MGST1: variants seen among roughly 807,000 people sequenced by gnomAD.
The protein encoded by MGST1 is microsomal glutathione S-transferase 1.
In MGST1, 5 loss-of-function variants were observed where a neutral mutation model predicts 8.9. The ratio of observed to expected loss-of-function variants is 0.56; its 90% CI spans 0.29 to 1.19. The LOEUF (loss-of-function observed/expected upper bound fraction) is 1.19. MGST1 is among the 50% of genes most tolerant of loss of function. MGST1 has a pLI of 0.08. For synonymous variants in MGST1, 54 were observed against 67.8 expected, an observed-to-expected ratio of 0.80 and a Z score of 1.00; for missense variants, 182 against 187.4, an observed-to-expected ratio of 0.97 and a Z score of 0.17.
At chr12:16,450,957 T>C (rs1360886173) in intron 4 of MGST1, among the ~76,000 whole-genome samples, 1 of 151,940 alleles carries the variant, frequency 6.6e-6, no homozygotes, top group Non-Finnish European at 1.5e-5. Context: ...ATTGGTTTTC[T>C]GCTTCAGCTT....
intron 4 of MGST1, among the ~76,000 whole-genome samples, chr12:16,445,770 C>G (rs140731478): frequency 1.6e-4 from 25 of 151,952 alleles, no homozygotes; most frequent in African/African-American, 6.0e-4. Context: ...TGAAGTTATT[C>G]CTCCAGAATC....
chr12:16,366,605 C>T (rs556356603), downstream of MGST1, among the ~76,000 whole-genome samples: 30 of 151,234 alleles, frequency 2.0e-4, no homozygotes, highest in Admixed American at 4.0e-4. The surrounding 1 kb of genome is among the most constrained non-coding windows in gnomAD (Gnocchi z 4.0). Context: ...GGTTATCTTT[C>T]TATCTGCATG....
chr12:16,363,883 A>G lies in MGST1; in HGVS notation c.310A>G (p.Ile104Val), dbSNP rs1039175839. The change falls in exon 4 of 4, where the codon ATC becomes GTC. Residue 104 changes from isoleucine to valine, a missense_variant. Transcript: ENST00000396210. The surrounding 1 kb of genome is among the most constrained non-coding windows in gnomAD (Gnocchi z 4.6). ...GAGTGGTCCCGACCCCTCTACAGCC[A>G]TCCTGCACTTCAGACTATTTGTCGG... ...SLSGPDPSTA[I>V]LHFRLFVGAR... The G allele has an allele frequency of 6.2e-7, 1 of 1,613,964 alleles. No individual in the cohort carries two copies. The highest frequency in any genetic ancestry group is 1.7e-5 in the Admixed American group (1 of 59,998).
chr12:16,499,328 A>G lies in MGST1; in HGVS notation n.483-90200A>G, dbSNP rs570344524. 2.0e-5 allele frequency among the ~76,000 whole-genome samples: 3 copies of G among 152,300 alleles called. No homozygotes were observed. The South Asian group carries it at 6.2e-4, about 32-fold the overall frequency. On this transcript the variant is annotated intron_variant and non_coding_transcript_variant, in intron 4 of 4. Transcript: ENST00000538857. ...TTCCTTATCGTTTTCTCTATAAAGA[A>G]TATTTAATTTTTCAGGCAGTCTCTC...
At chr12:16,484,187 C>T (rs1941383879) in intron 4 of MGST1, among the ~76,000 whole-genome samples, 1 of 152,150 alleles carries the variant, frequency 6.6e-6, no homozygotes, top group African/African-American at 2.4e-5. Context: ...AAATTTGGAA[C>T]TGAACTGGAG....
downstream of MGST1, among the ~76,000 whole-genome samples, chr12:16,367,870 T>C (rs1940220406): frequency 6.6e-6 from 1 of 152,220 alleles, no homozygotes; most frequent in East Asian, 1.9e-4. Flanking sequence ...CCACTGTGGG[T>C]GCTTGGATAG....
rs549286692 is a variant in MGST1 at position 16,400,334 on chromosome 12, T to C, written n.778+16730T>C. ...GCATGCTTAATATTATTGTACAAAA[T>C]ATCCAGTTTGTCTCCTCGAACAGAT... On this transcript the variant is annotated intron_variant and non_coding_transcript_variant, in intron 1 of 1. Coordinates refer to the MGST1 transcript ENST00000359720. 163 of 802,286 alleles carry C rather than the reference T, an allele frequency of 2.0e-4. 2 individuals are homozygous for C. The South Asian group carries it at 2.2e-3, about 11-fold the overall frequency. The allele number at this position is 802,286 out of a possible 1,614,324, so 49.7% of individuals were successfully genotyped here.
rs1591704611 is a variant in MGST1 at position 16,363,960 on chromosome 12, T to C, written c.387T>C (p.Asn129=). The change falls in exon 4 of 4, where the codon AAT becomes AAC. Residue 129 remains asparagine (N), a synonymous_variant. Transcript: ENST00000396210. The surrounding 1 kb of genome is among the most constrained non-coding windows in gnomAD (Gnocchi z 4.6). The part of the protein sequence containing the change: ...IAYLTPLPQP[N]RALSFFVGYG... ...ATTTGACACCCCTTCCCCAGCCAAATAGAGCTTTGAGTTTTTTTGTTGGAT... is the reference window on the plus strand; with the variant it reads ...ATTTGACACCCCTTCCCCAGCCAAACAGAGCTTTGAGTTTTTTTGTTGGAT... The C allele has an allele frequency of 1.2e-6, 2 of 1,613,918 alleles. No individual in the cohort carries two copies. The highest frequency in any genetic ancestry group is 1.1e-5 in the South Asian group (1 of 91,064).
chr12:16,539,669 T>G (rs10772945), intron 4 of MGST1, among the ~76,000 whole-genome samples: 56,924 of 151,960 alleles, frequency 0.37, 10,748 homozygotes, highest in Non-Finnish European at 0.41. Flanking sequence ...GCCACCAGAT[T>G]GAACATCCTA....
chr12:16,528,564 G>A (rs183758938), intron 4 of MGST1, among the ~76,000 whole-genome samples: 11 of 152,060 alleles, frequency 7.2e-5, no homozygotes, highest in South Asian at 2.1e-4. Context: ...TTATGGTGGC[G>A]TAATAGTCAC....
rs1218753558 is a variant in MGST1, at chr12:16,513,114, G to A, written n.483-76414G>A. Among the ~76,000 whole-genome samples the A allele has an allele frequency of 6.6e-6, 1 of 152,164 alleles. No homozygotes were observed. Among genetic ancestry groups the A allele is most frequent in the Non-Finnish European group, 1.5e-5 (1 of 68,040 alleles). ...TATCAAACAAATCATTCTTTCATGT[G>A]TATATATACAGATACACATATACAT... On this transcript the variant is annotated intron_variant and non_coding_transcript_variant, in intron 4 of 4. Transcript: ENST00000538857. The surrounding 1 kb of genome is among the most constrained non-coding windows in gnomAD (Gnocchi z 4.2).
downstream of MGST1, among the ~76,000 whole-genome samples, chr12:16,440,759 A>G (rs1941032302): frequency 6.6e-6 from 1 of 151,802 alleles, no homozygotes; most frequent in Non-Finnish European, 1.5e-5. Flanking sequence ...TTAAGTGTAC[A>G]CCTAAGCATT....
chr12:16,540,048 T>TTTC (rs1246300158), intron 4 of MGST1, among the ~76,000 whole-genome samples: 1 of 152,170 alleles, frequency 6.6e-6, no homozygotes, highest in Non-Finnish European at 1.5e-5. Context: ...CTCAGCTGCT[T>TTTC]TTCTCAGAAT....
At chr12:16,471,458 AT>A (rs1941289141) in intron 4 of MGST1, among the ~76,000 whole-genome samples, 1 of 152,196 alleles carries the variant, frequency 6.6e-6, no homozygotes, top group Non-Finnish European at 1.5e-5. Flanking sequence ...ATTTTACTGA[AT>A]TATGCTTAAT....
At chr12:16,588,223 T>C (rs1943381151) in intron 4 of MGST1, among the ~76,000 whole-genome samples, 1 of 151,966 alleles carries the variant, frequency 6.6e-6, no homozygotes, top group African/African-American at 2.4e-5. Context: ...AAATGTATAA[T>C]AAAGTATTTA....
chr12:16,402,496 G>A (rs1940666488), intron 1 of MGST1: 1 of 1,297,176 alleles, frequency 7.7e-7, no homozygotes, highest in Non-Finnish European at 1.1e-6. Flanking sequence ...CTCGGCCCAG[G>A]AATCCCGCAC....
chr12:16,377,506 A>C (rs997099012), downstream of MGST1, among the ~76,000 whole-genome samples: 1 of 151,894 alleles, frequency 6.6e-6, no homozygotes, highest in African/African-American at 2.4e-5. Context: ...ATAGTATTCC[A>C]CGGTGTATAT....
At chr12:16,372,891 T>C (rs1565441771) in intron 3 of MGST1, among the ~76,000 whole-genome samples, 1 of 139,416 alleles carries the variant, frequency 7.2e-6, no homozygotes, top group East Asian at 2.3e-4. Flanking sequence ...ACATATTATG[T>C]AGTATATTAT....
At chr12:16,538,645 G>C (rs1281345966) in intron 4 of MGST1, among the ~76,000 whole-genome samples, 1 of 138,094 alleles carries the variant, frequency 7.2e-6, no homozygotes, top group Non-Finnish European at 1.5e-5. Flanking sequence ...GTCTCGCTCT[G>C]TCACCCAGGC....
Sources: gnomAD v4.1 joint callset for allele counts (sites outside exome capture counted in the v4.1 genomes callset) on GRCh38, gnomAD v4.1.1 for gene constraint, Gnocchi (gnomAD v3.1) non-coding constraint, MANE v1.5 for transcripts, NCBI Gene and HGNC (gene_info 2026-07-23, HGNC 2026-07-21) for gene names.